Variants in ANKRD45 observed in about 807,000 individuals in gnomAD.
ANKRD45 encodes ankyrin repeat domain-containing protein 45.
In ANKRD45, 21 loss-of-function variants were observed where a neutral mutation model predicts 28.1. That is an observed-to-expected ratio of 0.75 (90% CI 0.53 to 1.08). The LOEUF (loss-of-function observed/expected upper bound fraction) is 1.08, where lower values mean the gene tolerates loss of function less well. ANKRD45 is among the 50% of genes least tolerant of loss of function. The pLI is 0.00. For missense variants in ANKRD45, 261 were observed against 308.7 expected (o/e 0.85, Z 1.16); for synonymous variants, 86 against 103.9 (o/e 0.83, Z 1.05).
chr1:173,671,847 C>A (rs928755144), upstream of ANKRD45, among the ~76,000 whole-genome samples: 2 of 151,250 alleles, frequency 1.3e-5, no homozygotes, highest in Admixed American at 1.3e-4. Context: ...GCACCACTGC[C>A]CTCCAGCATG....
In ANKRD45 at chr1:173,609,022, A is replaced by G. The variant is rs1173604334; in HGVS notation, c.*1123T>C. On this transcript the variant is annotated 3_prime_UTR_variant, in exon 6 of 6. Coordinates refer to ENST00000333279, the MANE Select transcript of ANKRD45 (RefSeq NM_198493.3). The stretch of plus-strand genomic sequence containing the variant: ...AGAAGGAGGGTAAAAAAAAAAAAGG[A>G]GCAAACACAGGTCTTCTTTGTACTG... Among the ~76,000 whole-genome samples the G allele has an allele frequency of 2.0e-5, 3 of 150,994 alleles. No homozygotes were observed. The highest frequency in any genetic ancestry group is 2.1e-4 in the South Asian group (1 of 4,806).
the ANKRD45 span, among the ~76,000 whole-genome samples, chr1:173,700,200 T>G: frequency 6.6e-5 from 10 of 152,220 alleles, no homozygotes; most frequent in African/African-American, 1.9e-4. Context: ...GAACATTCCA[T>G]GCTCATGGGT....
the ANKRD45 span, among the ~76,000 whole-genome samples, chr1:173,676,834 CAA>C: frequency 1.5e-4 from 15 of 98,792 alleles, no homozygotes; most frequent in Middle Eastern, 6.1e-3. Context: ...GACTCCATCT[CAA>C]AAAAAAAAAA....
At chr1:173,671,376 G>A (rs1363826224), upstream of ANKRD45, among the ~76,000 whole-genome samples, 1 of 152,108 alleles carries the variant, frequency 6.6e-6, no homozygotes, top group Non-Finnish European at 1.5e-5. Context: ...CAAAATGGTG[G>A]AGTTTAACTG....
chr1:173,682,729 G>C, the ANKRD45 span, among the ~76,000 whole-genome samples: 1 of 116,956 alleles, frequency 8.6e-6, no homozygotes, highest in African/African-American at 4.3e-5. Context: ...ACACATCTTG[G>C]ATGTTAGCTT....
chr1:173,671,102 G>T (rs1165574063), upstream of ANKRD45, among the ~76,000 whole-genome samples: 2 of 152,104 alleles, frequency 1.3e-5, no homozygotes, highest in Non-Finnish European at 2.9e-5. Context: ...GTTACATCTT[G>T]TCTCCTTCCC....
At chr1:173,702,130 G>C in the ANKRD45 span, among the ~76,000 whole-genome samples, 120 of 152,318 alleles carry the variant, frequency 7.9e-4, no homozygotes, top group Admixed American at 1.7e-3. Context: ...GAAAAGATCA[G>C]ACAGCAACAT....
upstream of ANKRD45, among the ~76,000 whole-genome samples, chr1:173,673,160 G>A (rs1670312068): frequency 6.6e-6 from 1 of 150,528 alleles, no homozygotes; most frequent in East Asian, 1.9e-4. Flanking sequence ...ACCCAGGCTG[G>A]AGTGCAGTGG....
intron 1 of ANKRD45, 40 bp from the exon 2 acceptor site, chr1:173,659,473 A>C: frequency 2.7e-6 from 4 of 1,467,622 alleles, no homozygotes; most frequent in Non-Finnish European, 3.6e-6. Flanking sequence ...AAATCTACTC[A>C]AACACATCAG....
At chr1:173,627,757 A>T (rs1000496134) in intron 3 of ANKRD45, among the ~76,000 whole-genome samples, 2 of 152,026 alleles carry the variant, frequency 1.3e-5, no homozygotes, top group African/African-American at 4.8e-5. Context: ...GAGCCAGTGG[A>T]CTTGGGGTGC....
At chr1:173,645,135 T>C (rs1668868757) in intron 3 of ANKRD45, among the ~76,000 whole-genome samples, 1 of 152,238 alleles carries the variant, frequency 6.6e-6, no homozygotes. Context: ...GACATAAGAT[T>C]GCTTATAGAA....
intron 3 of ANKRD45, among the ~76,000 whole-genome samples, chr1:173,646,105 T>C (rs139620776): frequency 6.6e-6 from 1 of 152,342 alleles, no homozygotes; most frequent in Non-Finnish European, 1.5e-5. Flanking sequence ...GTAAACTTCA[T>C]AAATACTAGC....
intron 2 of ANKRD45, among the ~76,000 whole-genome samples, chr1:173,647,444 C>T (rs539154373): frequency 1.3e-5 from 2 of 152,222 alleles, no homozygotes; most frequent in Admixed American, 1.3e-4. Flanking sequence ...CACAATCATA[C>T]AAATTACTAC....
At chr1:173,650,906 G>T (rs1377737719) in intron 2 of ANKRD45, among the ~76,000 whole-genome samples, 1 of 152,160 alleles carries the variant, frequency 6.6e-6, no homozygotes, top group Non-Finnish European at 1.5e-5. Flanking sequence ...TTTCAGAAGT[G>T]TCTGTTCATA....
chr1:173,619,259 T>C (rs1667599513), intron 5 of ANKRD45, among the ~76,000 whole-genome samples: 1 of 152,208 alleles, frequency 6.6e-6, no homozygotes, highest in African/African-American at 2.4e-5. Context: ...GCTAGCATCA[T>C]GATGACAGGA....
At chr1:173,621,097 T>C (rs1013406766) in intron 5 of ANKRD45, among the ~76,000 whole-genome samples, 6 of 152,096 alleles carry the variant, frequency 3.9e-5, no homozygotes, top group African/African-American at 1.4e-4. Context: ...CTCCAAAGAC[T>C]GAACCAGGAA....
intron 4 of ANKRD45, among the ~76,000 whole-genome samples, chr1:173,626,862 T>G (rs1324989773): frequency 6.6e-6 from 1 of 152,160 alleles, no homozygotes; most frequent in East Asian, 1.9e-4. Flanking sequence ...TCTTTAATAC[T>G]ATTTATTTTA....
At chr1:173,701,560 A>C in the ANKRD45 span, among the ~76,000 whole-genome samples, 3 of 152,354 alleles carry the variant, frequency 2.0e-5, no homozygotes, top group South Asian at 6.2e-4. Context: ...TCAGCAAACT[A>C]TCACAAGGAC....
the ANKRD45 span, among the ~76,000 whole-genome samples, chr1:173,707,147 AT>A: frequency 6.6e-6 from 1 of 151,678 alleles, no homozygotes; most frequent in Admixed American, 6.6e-5. Context: ...TTTTTTCTCT[AT>A]TTTTAGGAGT....
Sources: gnomAD v4.1 joint callset for allele counts (sites outside exome capture counted in the v4.1 genomes callset) on GRCh38, gnomAD v4.1.1 for gene constraint, MANE v1.5 for transcripts, NCBI Gene and HGNC (gene_info 2026-07-23, HGNC 2026-07-21) for gene names.